CHST12: variants seen among roughly 807,000 people sequenced by gnomAD.
The protein encoded by CHST12 is carbohydrate sulfotransferase 12, also known as carbohydrate (chondroitin 4) sulfotransferase 12.
Under a neutral mutation model 27.9 loss-of-function variants are expected in CHST12, and 23 were observed. The observed-to-expected ratio is 0.82, with a 90% CI of 0.59 to 1.17. CHST12 has a LOEUF of 1.17. CHST12 is among the 50% of genes most tolerant of loss of function. CHST12 has a pLI of 0.00. For missense variants in CHST12, 682 were observed against 603.0 expected (o/e 1.13, Z -1.37); for synonymous variants, 322 against 273.0 (o/e 1.18, Z -1.77).
intron 1 of CHST12, among the ~76,000 whole-genome samples, chr7:2,416,367 C>T (rs1163231937): frequency 1.3e-5 from 2 of 152,214 alleles, no homozygotes; most frequent in Non-Finnish European, 2.9e-5. Context: ...CCTCTTCAAA[C>T]TTCTATTAAT....
intron 1 of CHST12, among the ~76,000 whole-genome samples, chr7:2,406,726 C>T (rs1000716198): frequency 6.6e-6 from 1 of 152,112 alleles, no homozygotes; most frequent in African/African-American, 2.4e-5. Context: ...AGCTGGATCC[C>T]TTGCTAACGA....
At chr7:2,410,457 G>A (rs572724706) in intron 1 of CHST12, among the ~76,000 whole-genome samples, 2 of 152,242 alleles carry the variant, frequency 1.3e-5, no homozygotes, top group South Asian at 4.1e-4. Flanking sequence ...GGGATTCTGC[G>A]ATTGCACCAC....
In CHST12 at chr7:2,437,732, GCACA is replaced by G. The variant is rs10583722; in HGVS notation, c.*3868_*3871del. ...AATCAGAACACACACACACACGCGC[GCACA>G]CACACACACACACACACACTCTCTC... On this transcript the variant is annotated 3_prime_UTR_variant, in exon 2 of 2. Coordinates refer to ENST00000618655, the MANE Select transcript of CHST12 (RefSeq NM_018641.5). 0.012 allele frequency: 1,845 copies of G among 148,212 alleles called. 29 individuals are homozygous for G. The highest frequency in any genetic ancestry group is 0.071 in the South Asian group (333 of 4,708). The allele number at this position is 148,212 out of a possible 1,614,324, so 9.2% of individuals were successfully genotyped here. A position where few individuals can be genotyped will look rare whatever the true frequency, so the allele number is the denominator to read the frequency against.
In CHST12 at chr7:2,447,084, A is replaced by T. The variant is rs2969058; in HGVS notation, c.*13200A>T. On this transcript the variant is annotated 3_prime_UTR_variant, in exon 2 of 2. Transcript: ENST00000618655. Reference sequence around the variant, plus strand: ...AGGGCCCAGCTGCAGAGCAGAGGAGAGTGGCCCCCAGGGACCAGCAGCACG... The same window carrying T: ...AGGGCCCAGCTGCAGAGCAGAGGAGTGTGGCCCCCAGGGACCAGCAGCACG... 0.44 allele frequency: 66,480 copies of T among 152,236 alleles called. 15,971 individuals are homozygous for T. Among genetic ancestry groups the T allele is most frequent in the East Asian group, 0.77 (3,989 of 5,148 alleles). The allele number at this position is 152,236 out of a possible 1,614,324, so 9.4% of individuals were successfully genotyped here.
rs869252983 is a variant in CHST12, at chr7:2,419,968, C to CTTTT, written c.-77-12575_-77-12572dup. Among the ~76,000 whole-genome samples, 791 of 81,400 alleles carry CTTTT rather than the reference C, an allele frequency of 9.7e-3. 20 individuals carry two copies. The highest frequency in any genetic ancestry group is 0.016 in the Middle Eastern group (1 of 64). 53.4% of individuals were successfully genotyped at this position (81,400 alleles called of 152,430 possible). A position where few individuals can be genotyped will look rare whatever the true frequency, so the allele number is the denominator to read the frequency against. ...ACAAGTAGAATCTTGAAATATTTGT[C>CTTTT]TTTTTTTTTTTTTTTTTTTTTTTGA... On this transcript the variant is annotated intron_variant, in intron 1 of 1. Transcript: ENST00000618655.
rs1357395706 is a variant in CHST12, at chr7:2,433,492, C to T, written c.853C>T (p.Pro285Ser). Residue 285 changes from proline (P) to serine (S), a missense_variant, in exon 2 of 2, where the codon CCC (proline) becomes TCC (serine). Pro to Ser is a moderately conservative substitution (Grantham distance 74, BLOSUM62 -1). Coordinates refer to ENST00000618655, the MANE Select transcript of CHST12 (RefSeq NM_018641.5). The surrounding 1 kb of genome is among the most constrained non-coding windows in gnomAD (Gnocchi z 6.1). The stretch of plus-strand genomic sequence containing the variant: ...GCTGTACGCCAACCACACCAGCCTG[C>T]CCGCCTCGGCGCGCGAGGCCTTCCG... ...LRLYANHTSL[P>S]ASAREAFRAG... is the part of the protein sequence containing the mutation. The T allele has an allele frequency of 6.2e-7, 1 of 1,611,692 alleles. No homozygotes were observed. The highest frequency in any genetic ancestry group is 1.1e-5 in the South Asian group (1 of 91,064).
rs970049584 is a variant in CHST12, at chr7:2,441,524, C to G, written c.*7640C>G. On this transcript the variant is annotated 3_prime_UTR_variant, in exon 2 of 2. Transcript: ENST00000618655. Reference sequence around the variant, plus strand: ...TCTGGGCAACATAGTGGAAACTTGTCTCTCCAAAAGCTAAAAGAAAAAGCC... The same window carrying G: ...TCTGGGCAACATAGTGGAAACTTGTGTCTCCAAAAGCTAAAAGAAAAAGCC... The G allele has an allele frequency of 6.6e-6, 1 of 151,932 alleles. No homozygotes were observed. Among genetic ancestry groups the G allele is most frequent in the Admixed American group, 6.6e-5 (1 of 15,222 alleles). 9.4% of individuals were successfully genotyped at this position (151,932 alleles called of 1,614,324 possible). A position where few individuals can be genotyped will look rare whatever the true frequency, so the allele number is the denominator to read the frequency against.
At chr7:2,429,515 A>G (rs1010740663) in intron 1 of CHST12, among the ~76,000 whole-genome samples, 3 of 152,106 alleles carry the variant, frequency 2.0e-5, no homozygotes, top group African/African-American at 7.2e-5. Context: ...CTTCAGTGAA[A>G]CCATCTGGGC....
chr7:2,415,314 G>A (rs10232546), intron 1 of CHST12, among the ~76,000 whole-genome samples: 30,915 of 151,112 alleles, frequency 0.2, 3,360 homozygotes, highest in African/African-American at 0.29. Flanking sequence ...GCAGTGAGCC[G>A]AGATTGTGCC....
In CHST12 at chr7:2,434,198, C is replaced by G. The variant is rs1005545838; in HGVS notation, c.*314C>G. Reference sequence around the variant, plus strand: ...GGAGGGGATGCTGAGGCTGATGGAGCTGCCTCCAGGGCTAGGGCCACTCAC... The same window carrying G: ...GGAGGGGATGCTGAGGCTGATGGAGGTGCCTCCAGGGCTAGGGCCACTCAC... On this transcript the variant is annotated 3_prime_UTR_variant, in exon 2 of 2. Transcript: ENST00000618655. The G allele has an allele frequency of 3.3e-5, 8 of 241,762 alleles. No individual in the cohort carries two copies. The Admixed American group carries it at 3.6e-4, about 11-fold the overall frequency. The allele number at this position is 241,762 out of a possible 1,614,324, so 15.0% of individuals were successfully genotyped here. A position where few individuals can be genotyped will look rare whatever the true frequency, so the allele number is the denominator to read the frequency against.
intron 1 of CHST12, among the ~76,000 whole-genome samples, chr7:2,424,461 C>A (rs925992991): frequency 6.6e-6 from 1 of 152,126 alleles, no homozygotes; most frequent in Non-Finnish European, 1.5e-5. Context: ...AAGGGTCAGG[C>A]AGTGGCTTTT....
chr7:2,405,171 G>A (rs771831421), intron 1 of CHST12, among the ~76,000 whole-genome samples: 46 of 152,270 alleles, frequency 3.0e-4, no homozygotes, highest in Non-Finnish European at 1.2e-4. Context: ...AAGGCCGGGC[G>A]AGGTGGCTCG....
At chr7:2,427,168 C>T (rs550116858) in intron 1 of CHST12, among the ~76,000 whole-genome samples, 2 of 149,542 alleles carry the variant, frequency 1.3e-5, no homozygotes, top group Non-Finnish European at 3.0e-5. Flanking sequence ...CTGGGTGACA[C>T]AGCGAGACCC....
intron 1 of CHST12, among the ~76,000 whole-genome samples, chr7:2,427,478 G>A (rs1782155721): frequency 6.6e-6 from 1 of 150,856 alleles, no homozygotes; most frequent in Admixed American, 6.6e-5. Flanking sequence ...TCCAGCTTAG[G>A]TGACAGAGCA....
chr7:2,421,582 G>A (rs1365584941), intron 1 of CHST12, among the ~76,000 whole-genome samples: 1 of 151,844 alleles, frequency 6.6e-6, no homozygotes, highest in African/African-American at 2.4e-5. Flanking sequence ...GATTACAAGT[G>A]TACACCACCA....
At chr7:2,413,122 GTTC>G (rs1483458727) in intron 1 of CHST12, among the ~76,000 whole-genome samples, 2 of 152,170 alleles carry the variant, frequency 1.3e-5, no homozygotes, top group South Asian at 2.1e-4. Context: ...GGCCTAGTTT[GTTC>G]TTCTTTTGTA....
At chr7:2,412,286 G>A (rs1057053610) in intron 1 of CHST12, among the ~76,000 whole-genome samples, 7 of 152,182 alleles carry the variant, frequency 4.6e-5, no homozygotes, top group Non-Finnish European at 8.8e-5. Flanking sequence ...TCACGATGGA[G>A]GTTTTAATGT....
At chr7:2,426,677 T>G (rs1288503420) in intron 1 of CHST12, among the ~76,000 whole-genome samples, 2 of 151,638 alleles carry the variant, frequency 1.3e-5, no homozygotes, top group African/African-American at 4.9e-5. Flanking sequence ...ATTAAAAAAA[T>G]ATAACATACA....
intron 1 of CHST12, among the ~76,000 whole-genome samples, chr7:2,422,791 C>T (rs957610463): frequency 2.0e-5 from 3 of 152,052 alleles, no homozygotes; most frequent in African/African-American, 7.3e-5. Context: ...GCCTCGGCTT[C>T]CCAAAGTGCT....
Sources: gnomAD v4.1 joint callset for allele counts (sites outside exome capture counted in the v4.1 genomes callset) on GRCh38, gnomAD v4.1.1 for gene constraint, Gnocchi (gnomAD v3.1) non-coding constraint, MANE v1.5 for transcripts, NCBI Gene and HGNC (gene_info 2026-07-23, HGNC 2026-07-21) for gene names.